SNX29: variants seen among roughly 807,000 people sequenced by gnomAD.
SNX29 encodes sorting nexin 29, also known as sorting nexin-29.
Under a neutral mutation model 102.1 loss-of-function variants are expected in SNX29, and 78 were observed. The observed-to-expected ratio is 0.76, with a 90% CI of 0.64 to 0.92. The LOEUF (loss-of-function observed/expected upper bound fraction) is 0.92. SNX29 is among the 40% of genes least tolerant of loss of function. The probability of loss-of-function intolerance (pLI) is 0.00; values close to 1 mark genes in which losing one functional copy is unlikely to be tolerated. For synonymous variants in SNX29, 580 were observed against 414.5 expected (o/e 1.40, Z -4.85); for missense variants, 1,280 against 1,061.7 (o/e 1.21, Z -2.86).
In SNX29 at chr16:12,404,408, TCTC is replaced by T. The variant is rs200008634; in HGVS notation, c.2037+886_2037+888del. Among the ~76,000 whole-genome samples, 1,050 of 152,204 alleles carry T rather than the reference TCTC, an allele frequency of 6.9e-3. 14 individuals are homozygous for T. The highest frequency in any genetic ancestry group is 0.024 in the African/African-American group (991 of 41,522). On this transcript the variant is annotated intron_variant, in intron 18 of 20. Transcript: ENST00000566228. ...AGCTCGTCTGCATGTCTGTCTTCCT[TCTC>T]CTCCTCTCTCTTACCACGGACTCTG...
intron 14 of SNX29, among the ~76,000 whole-genome samples, chr16:12,216,696 C>T (rs146383781): frequency 2.9e-4 from 44 of 152,302 alleles, no homozygotes; most frequent in Middle Eastern, 6.8e-3. Flanking sequence ...GGCACATTGC[C>T]TGCCCATGTG....
At chr16:12,539,983 G>A (rs147914667) in intron 20 of SNX29, among the ~76,000 whole-genome samples, 172 of 152,220 alleles carry the variant, frequency 1.1e-3, no homozygotes, top group Non-Finnish European at 1.5e-3. Context: ...TTTTCTTCTA[G>A]TCTTCAGCTT....
chr16:12,114,969 G>A (rs962841126), intron 11 of SNX29, among the ~76,000 whole-genome samples: 3 of 152,160 alleles, frequency 2.0e-5, no homozygotes, highest in South Asian at 2.1e-4. Context: ...CCTGGCACTC[G>A]GCTGGTGCCC....
At chr16:12,558,485 A>G (rs80093769) in intron 20 of SNX29, among the ~76,000 whole-genome samples, 1,617 of 152,332 alleles carry the variant, frequency 0.011, 23 homozygotes, top group African/African-American at 0.037. Context: ...AGTTAAGCAC[A>G]GTGCATCTTT....
At chr16:12,245,240 C>A (rs1201194777) in intron 14 of SNX29, among the ~76,000 whole-genome samples, 1 of 152,150 alleles carries the variant, frequency 6.6e-6, no homozygotes, top group Non-Finnish European at 1.5e-5. Context: ...GTGACCTCAG[C>A]TGAGTTATTT....
intron 20 of SNX29, among the ~76,000 whole-genome samples, chr16:12,564,339 A>G (rs2078899176): frequency 6.6e-6 from 1 of 152,198 alleles, no homozygotes; most frequent in African/African-American, 2.4e-5. Context: ...TATTTCAGTC[A>G]TTTCAGGATG....
chr16:12,414,225 T>G (rs2084530756), intron 18 of SNX29, among the ~76,000 whole-genome samples: 1 of 152,160 alleles, frequency 6.6e-6, no homozygotes, highest in Non-Finnish European at 1.5e-5. Flanking sequence ...ATTAAAAATT[T>G]GAGCCAGGTG....
chr16:12,338,803 C>G (rs943934523), intron 15 of SNX29, among the ~76,000 whole-genome samples: 1 of 152,108 alleles, frequency 6.6e-6, no homozygotes, highest in African/African-American at 2.4e-5. Context: ...CCCAGACCCA[C>G]CTTCCATGTG....
intron 8 of SNX29, 89 bp from the exon 9 acceptor site, chr16:12,061,439 T>A (rs1264885532): frequency 9.0e-7 from 1 of 1,110,076 alleles, no homozygotes; most frequent in East Asian, 2.6e-5. Context: ...CCTGGTTAGT[T>A]CTCAGGAGGG....
intron 15 of SNX29, among the ~76,000 whole-genome samples, chr16:12,323,065 C>T (rs564290): frequency 0.015 from 1,132 of 75,546 alleles, 11 homozygotes; most frequent in East Asian, 0.053. Flanking sequence ...CTGGAGTCAC[C>T]GGGGACCACT....
In SNX29 at chr16:12,570,147, T is replaced by A. The variant is rs962743732; in HGVS notation, c.*1518T>A. 2.8e-6 allele frequency: 3 copies of A among 1,063,288 alleles called. No individual in the cohort carries two copies. Among genetic ancestry groups the A allele is most frequent in the Non-Finnish European group, 3.4e-6 (3 of 877,658 alleles). The allele number at this position is 1,063,288 out of a possible 1,614,324, so 65.9% of individuals were successfully genotyped here. A position where few individuals can be genotyped will look rare whatever the true frequency, so the allele number is the denominator to read the frequency against. On this transcript the variant is annotated 3_prime_UTR_variant, in exon 21 of 21. Coordinates refer to ENST00000566228, the MANE Select transcript of SNX29 (RefSeq NM_032167.5). The stretch of plus-strand genomic sequence containing the variant: ...GGCCTTTAAGGAAGGCTGAGATCAC[T>A]CACACACAGCGCCCCCCCACCCCAG...
intron 20 of SNX29, among the ~76,000 whole-genome samples, chr16:12,538,608 A>C (rs922140281): frequency 1.3e-5 from 2 of 152,168 alleles, no homozygotes; most frequent in African/African-American, 4.8e-5. Context: ...AGGTGGATGC[A>C]GGAGGGCCTT....
At chr16:12,277,301 G>A (rs1225354730) in intron 14 of SNX29, among the ~76,000 whole-genome samples, 1 of 152,158 alleles carries the variant, frequency 6.6e-6, no homozygotes. Context: ...TCAGGAGGCT[G>A]AGGCAGGAGG....
intron 14 of SNX29, 100 bp downstream of exon 14, chr16:12,199,783 G>A: frequency 1.0e-6 from 1 of 977,578 alleles, no homozygotes; most frequent in Non-Finnish European, 1.6e-6. Context: ...GAGTGCATAT[G>A]TGGATGGATT....
chr16:12,215,676 G>A (rs112852065), intron 14 of SNX29, among the ~76,000 whole-genome samples: 4,494 of 152,238 alleles, frequency 0.03, 221 homozygotes, highest in African/African-American at 0.1. Context: ...TCACTGGGAG[G>A]CATTTGAGGT....
At position 12,048,470 on chromosome 16, in the gene SNX29, A is replaced by G. The variant is rs2050175237; in HGVS notation, c.598A>G (p.Thr200Ala). 6.2e-7 allele frequency: 1 copy of G among 1,613,940 alleles called. No homozygotes were observed. The highest frequency in any genetic ancestry group is 1.1e-5 in the South Asian group (1 of 91,064). The change falls in exon 7 of 21, where the codon ACG (threonine) becomes GCG (alanine). Residue 200 changes from threonine to alanine, a missense_variant. Thr to Ala is a moderately conservative substitution (Grantham distance 58). Coordinates refer to ENST00000566228, the MANE Select transcript of SNX29 (RefSeq NM_032167.5). ...PTVSDLLKES[T>A]QNVTSLLKES... is the part of the protein sequence containing the mutation. ...CGTTTCAGACCTCTTAAAGGAGTCA[A>G]CGCAGAACGTGACCTCCTTGCTGAA... is the stretch of plus-strand genomic sequence containing the variant.
chr16:12,439,193 A>G (rs1170435172), intron 18 of SNX29, among the ~76,000 whole-genome samples: 2 of 152,142 alleles, frequency 1.3e-5, no homozygotes, highest in Non-Finnish European at 2.9e-5. Context: ...TTGCAATGGG[A>G]AGCAGCCTCT....
chr16:11,988,579 T>C (rs1567498011), intron 1 of SNX29, among the ~76,000 whole-genome samples: 1 of 152,128 alleles, frequency 6.6e-6, no homozygotes, highest in Non-Finnish European at 1.5e-5. Context: ...AAAAAACTTT[T>C]TGTAGGGACG....
At chr16:12,232,291 C>T (rs2077792479) in intron 14 of SNX29, among the ~76,000 whole-genome samples, 1 of 152,184 alleles carries the variant, frequency 6.6e-6, no homozygotes, top group Admixed American at 6.5e-5. Context: ...CTTTGGGAGG[C>T]CGAGGTGGGC....
Sources: gnomAD v4.1 joint callset for allele counts (sites outside exome capture counted in the v4.1 genomes callset) on GRCh38, gnomAD v4.1.1 for gene constraint, MANE v1.5 for transcripts, NCBI Gene and HGNC (gene_info 2026-07-23, HGNC 2026-07-21) for gene names.